GRM7: variants seen among roughly 807,000 people sequenced by gnomAD.
GRM7 encodes the protein glutamate metabotropic receptor 7, also known as metabotropic glutamate receptor 7.
Under a neutral mutation model 84.5 loss-of-function variants are expected in GRM7, and 35 were observed. The ratio of observed to expected loss-of-function variants is 0.41; its 90% confidence interval spans 0.32 to 0.55. The LOEUF (loss-of-function observed/expected upper bound fraction) is 0.55, where lower values mean the gene tolerates loss of function less well. GRM7 is among the 20% of genes least tolerant of loss of function. The probability of loss-of-function intolerance (pLI) is 0.19; values close to 1 mark genes in which losing one functional copy is unlikely to be tolerated. For synonymous variants in GRM7, 487 were observed against 455.1 expected, an observed-to-expected ratio of 1.07 and a Z score of -0.89; for missense variants, 1,003 against 1,194.6, an observed-to-expected ratio of 0.84 and a Z score of 2.36.
chr3:7,087,510 C>A (rs751794704), intron 1 of GRM7, among the ~76,000 whole-genome samples: 1 of 151,716 alleles, frequency 6.6e-6, no homozygotes, highest in Non-Finnish European at 1.5e-5. Flanking sequence ...CTTTCAGGAC[C>A]GAGGGACTTG....
At chr3:7,595,044 T>C (rs916235092) in intron 8 of GRM7, among the ~76,000 whole-genome samples, 2 of 152,248 alleles carry the variant, frequency 1.3e-5, no homozygotes, top group Non-Finnish European at 2.9e-5. Flanking sequence ...AATGATCTAT[T>C]CAGTCAATTG....
chr3:7,253,815 C>T (rs1698098789), intron 2 of GRM7, among the ~76,000 whole-genome samples: 1 of 152,042 alleles, frequency 6.6e-6, no homozygotes, highest in African/African-American at 2.4e-5. Context: ...GGCTTTTAAA[C>T]TGTTCTGAAT....
chr3:7,581,580 A>T (rs1269800142), intron 8 of GRM7, among the ~76,000 whole-genome samples: 1 of 152,200 alleles, frequency 6.6e-6, no homozygotes, highest in Non-Finnish European at 1.5e-5. Flanking sequence ...GCCAATTATC[A>T]AATGTAACAA....
At chr3:7,522,709 G>A (rs925360739) in intron 7 of GRM7, among the ~76,000 whole-genome samples, 1 of 152,174 alleles carries the variant, frequency 6.6e-6, no homozygotes, top group African/African-American at 2.4e-5. Flanking sequence ...AAGATCACAG[G>A]CTGGTACGTG....
intron 2 of GRM7, among the ~76,000 whole-genome samples, chr3:7,298,262 A>T (rs747922580): frequency 2.0e-5 from 3 of 152,146 alleles, no homozygotes; most frequent in Non-Finnish European, 4.4e-5. Context: ...GGGAATGCAA[A>T]CGCCACAAAA....
chr3:7,720,738 CCA>C (rs1342698018), intron 9 of GRM7, among the ~76,000 whole-genome samples: 9 of 152,212 alleles, frequency 5.9e-5, no homozygotes, highest in Non-Finnish European at 1.2e-4. Context: ...ATGATGTTGT[CCA>C]TAACTTTTTG....
chr3:7,453,791 C>A (rs1337809810), intron 6 of GRM7, among the ~76,000 whole-genome samples: 1 of 152,118 alleles, frequency 6.6e-6, no homozygotes, highest in Non-Finnish European at 1.5e-5. Context: ...AGGGTATAAT[C>A]TAATACTAAT....
intron 7 of GRM7, among the ~76,000 whole-genome samples, chr3:7,494,692 T>G (rs1360731250): frequency 1.3e-5 from 2 of 152,208 alleles, no homozygotes; most frequent in Non-Finnish European, 2.9e-5. Context: ...TGTCCTCTAC[T>G]TTACAGATTC....
intron 1 of GRM7, among the ~76,000 whole-genome samples, chr3:7,004,811 C>T (rs1695126648): frequency 6.6e-6 from 1 of 152,078 alleles, no homozygotes; most frequent in Non-Finnish European, 1.5e-5. Flanking sequence ...AATGCACTGC[C>T]TTATTGGATT....
At chr3:7,472,650 C>T (rs1698750610) in intron 7 of GRM7, among the ~76,000 whole-genome samples, 1 of 152,218 alleles carries the variant, frequency 6.6e-6, no homozygotes, top group African/African-American at 2.4e-5. Flanking sequence ...GTAGAGCTCC[C>T]AAGAGGGTAG....
chr3:7,019,385 G>T (rs190218652), intron 1 of GRM7, among the ~76,000 whole-genome samples: 3 of 152,018 alleles, frequency 2.0e-5, no homozygotes, highest in Non-Finnish European at 4.4e-5. Context: ...TGTCGTGTCC[G>T]CTATTATAGT....
chr3:7,668,552 T>A (rs1449604531), intron 8 of GRM7, among the ~76,000 whole-genome samples: 1 of 152,210 alleles, frequency 6.6e-6, no homozygotes, highest in Non-Finnish European at 1.5e-5. Context: ...TATTCCCTAG[T>A]CTTGGTTAGA....
chr3:7,651,256 G>A (rs1698924781), intron 8 of GRM7, among the ~76,000 whole-genome samples: 1 of 152,106 alleles, frequency 6.6e-6, no homozygotes, highest in South Asian at 2.1e-4. Context: ...GGGAGTGAAG[G>A]GGAATTGCTT....
At chr3:7,352,658 T>C (rs557392109) in intron 4 of GRM7, among the ~76,000 whole-genome samples, 1 of 152,110 alleles carries the variant, frequency 6.6e-6, no homozygotes, top group Non-Finnish European at 1.5e-5. Context: ...TGCAAGAGAA[T>C]ACGGATGTGT....
Position 6,999,997 on chromosome 3 carries a change from CATA to C in GRM7, c.519+138094_519+138096del, listed in dbSNP as rs1694952828. On this transcript the variant is annotated intron_variant, in intron 1 of 9. Coordinates refer to ENST00000357716, the MANE Select transcript of GRM7 (RefSeq NM_000844.4). Reference sequence around the variant, plus strand: ...TTCATTTTCAAATTAAGATTTAGAACATAATATGTACCTTCAATAATAAATGGC... The same window carrying C: ...TTCATTTTCAAATTAAGATTTAGAACATATGTACCTTCAATAATAAATGGC... 2.0e-5 allele frequency among the ~76,000 whole-genome samples: 3 copies of C among 152,108 alleles called. No individual in the cohort carries two copies. In the South Asian group the frequency reaches 6.2e-4, roughly 32 times the overall value.
intron 3 of GRM7, among the ~76,000 whole-genome samples, chr3:7,305,849 A>G (rs1700176066): frequency 6.6e-6 from 1 of 152,074 alleles, no homozygotes; most frequent in African/African-American, 2.4e-5. Context: ...TTTCTGATCT[A>G]CCAATGCAGT....
intron 8 of GRM7, among the ~76,000 whole-genome samples, chr3:7,617,880 A>G (rs1029590842): frequency 6.6e-6 from 1 of 152,120 alleles, no homozygotes; most frequent in African/African-American, 2.4e-5. Flanking sequence ...CAATCAATAA[A>G]TAGCTCAGGA....
chr3:7,661,263 C>A (rs890505700), intron 8 of GRM7, among the ~76,000 whole-genome samples: 3 of 152,136 alleles, frequency 2.0e-5, no homozygotes, highest in Admixed American at 6.5e-5. Context: ...AAGAGGCCAA[C>A]AACGCAGTAA....
At chr3:7,063,600 T>C (rs1697510482) in intron 1 of GRM7, among the ~76,000 whole-genome samples, 1 of 151,786 alleles carries the variant, frequency 6.6e-6, no homozygotes. Flanking sequence ...GATAATTACT[T>C]TCTTTTACAT....
Sources: gnomAD v4.1 joint callset for allele counts (sites outside exome capture counted in the v4.1 genomes callset) on GRCh38, gnomAD v4.1.1 for gene constraint, MANE v1.5 for transcripts, NCBI Gene and HGNC (gene_info 2026-07-23, HGNC 2026-07-21) for gene names.